The following ARHGEF11 variants were observed in gnomAD, a reference collection of about 807,000 sequenced individuals.
ARHGEF11 encodes the protein Rho guanine exchange factor (GEF) 11.
A neutral mutation model predicts 193.7 loss-of-function variants in ARHGEF11; 55 were observed. The ratio of observed to expected loss-of-function variants is 0.28; its 90% CI spans 0.23 to 0.36. ARHGEF11 has a LOEUF of 0.36. ARHGEF11 is among the 10% of genes least tolerant of loss of function. The pLI is 1.00. For synonymous variants in ARHGEF11, 693 were observed against 768.0 expected, an observed-to-expected ratio of 0.90 and a Z score of 1.62; for missense variants, 1,723 against 2,005.6, an observed-to-expected ratio of 0.86 and a Z score of 2.69.
rs1169114393 is a variant in ARHGEF11, at chr1:156,963,293, T to C, written c.1050A>G (p.Ile350Met). 1.2e-6 allele frequency: 2 copies of C among 1,614,058 alleles called. No individual in the cohort carries two copies. Among genetic ancestry groups the C allele is most frequent in the East Asian group, 4.5e-5 (2 of 44,888 alleles). Residue 350 changes from isoleucine to methionine, a missense_variant, in exon 13 of 41, where the codon ATA becomes ATG. Physicochemically the swap from Ile to Met is conservative, Grantham distance 10. Transcript: ENST00000368194. Reference protein sequence around the residue: ...PGYFNNESDIIFQDLEKLKSR... With the variant: ...PGYFNNESDIMFQDLEKLKSR... ...ACTTCAGTTTCTCCAGATCCTGGAATATGATGTCGCTCTGGAAGGCAGAAG... is the reference window on the plus strand; with the variant it reads ...ACTTCAGTTTCTCCAGATCCTGGAACATGATGTCGCTCTGGAAGGCAGAAG...
chr1:156,971,160 AATAG>A (rs1272960857), intron 8 of ARHGEF11, among the ~76,000 whole-genome samples: 1 of 152,246 alleles, frequency 6.6e-6, no homozygotes, highest in Non-Finnish European at 1.5e-5. Context: ...CCCTGAAGAG[AATAG>A]ATAAAGAATC....
At chr1:157,041,729 G>A (rs1006475516) in intron 1 of ARHGEF11, among the ~76,000 whole-genome samples, 1 of 152,162 alleles carries the variant, frequency 6.6e-6, no homozygotes, top group Non-Finnish European at 1.5e-5. Context: ...AAGACACTAA[G>A]CTAGGCACAC....
chr1:156,948,331 C>A lies in ARHGEF11; in HGVS notation c.2093G>T (p.Ser698Ile). The change falls in exon 23 of 41, where the codon AGC (serine) becomes ATC (isoleucine). Residue 698 changes from serine to isoleucine, a missense_variant. This residue lies in a region of ARHGEF11 where 491 missense variants were observed against 654.5 expected (regional missense o/e 0.75). Transcript: ENST00000368194. This position sits in a 1 kb window ranked among gnomAD's most constrained non-coding sequence, Gnocchi z 4.2. ...LHQSASSSTSSLSTRSLENPT... is the reference protein window; with the variant it reads ...LHQSASSSTSILSTRSLENPT... ...TAGCCCTGCCCACCTGGTGGAGAGG[C>A]TGGAGGTAGAGGACGAGGCTGACTG... 6.2e-7 allele frequency: 1 copy of A among 1,614,086 alleles called. No homozygotes were observed. The highest frequency in any genetic ancestry group is 8.5e-7 in the Non-Finnish European group (1 of 1,179,946).
intron 3 of ARHGEF11, 75 bp from the exon 4 acceptor site, chr1:156,980,561 C>T: frequency 6.8e-7 from 1 of 1,479,484 alleles, no homozygotes; most frequent in Non-Finnish European, 9.2e-7. Context: ...CCTGTCAGAT[C>T]ACCTCTCCTC....
At chr1:156,960,603 C>A in intron 14 of ARHGEF11, 143 bp from the exon 15 acceptor site, 1 of 690,510 alleles carries the variant, frequency 1.4e-6, no homozygotes, top group Non-Finnish European at 2.5e-6. Flanking sequence ...CATCACTCTC[C>A]AACTGCACAC....
chr1:156,981,533 G>A (rs1477713449), intron 3 of ARHGEF11, among the ~76,000 whole-genome samples: 2 of 152,354 alleles, frequency 1.3e-5, no homozygotes, highest in East Asian at 3.9e-4. Context: ...CTGGAGTGCA[G>A]CGGTGCGATT....
intron 8 of ARHGEF11, among the ~76,000 whole-genome samples, chr1:156,971,244 G>C (rs1384743781): frequency 6.6e-5 from 10 of 152,168 alleles, no homozygotes; most frequent in Admixed American, 5.2e-4. Context: ...CAGACTGGGG[G>C]TCTTTTATGT....
chr1:156,997,988 C>A (rs1666759659), intron 1 of ARHGEF11, among the ~76,000 whole-genome samples: 1 of 152,134 alleles, frequency 6.6e-6, no homozygotes, highest in Non-Finnish European at 1.5e-5. Context: ...GTGGTGAGAC[C>A]TCCTTGCCCT....
At chr1:156,985,998 C>T (rs1664863863) in intron 2 of ARHGEF11, 84 bp downstream of exon 2, 2 of 1,145,012 alleles carry the variant, frequency 1.7e-6, no homozygotes, top group African/African-American at 1.5e-5. Flanking sequence ...AGCGATCCTC[C>T]CATTGGCCTC....
chr1:156,941,878 G>A lies in ARHGEF11; in HGVS notation c.3438C>T (p.Gly1146=). 2 of 1,611,070 alleles carry A rather than the reference G, an allele frequency of 1.2e-6. No individual in the cohort carries two copies. The highest frequency in any genetic ancestry group is 1.7e-6 in the Non-Finnish European group (2 of 1,178,572). ...AAGCACTGCACCTGCTGGGTGTGGG[G>A]CCCTGCTGGGCTGGCTCCCGGGGAC... ...PPGPREPAQQ[G]PTPSRVELDD... The change falls in exon 34 of 41, where the codon GGC becomes GGT. Residue 1146 remains glycine (G), a synonymous_variant. Coordinates refer to ENST00000368194, the MANE Select transcript of ARHGEF11 (RefSeq NM_198236.3).
chr1:156,981,213 T>A lies in ARHGEF11; in HGVS notation c.224-727A>T, dbSNP rs199646526. ...TGCCTGGCTAATTAAAAAAAAAAAATTTTTTTTTTTGTAGAGATGAGGTCT... is the reference window on the plus strand; with the variant it reads ...TGCCTGGCTAATTAAAAAAAAAAAAATTTTTTTTTTGTAGAGATGAGGTCT... On this transcript the variant is annotated intron_variant, in intron 3 of 40. Coordinates refer to ENST00000368194, the MANE Select transcript of ARHGEF11 (RefSeq NM_198236.3). Among the ~76,000 whole-genome samples the A allele has an allele frequency of 1.7e-3, 163 of 96,412 alleles. 1 individual carries two copies. The East Asian group carries it at 0.017, about 10-fold the overall frequency. The allele number at this position is 96,412 out of a possible 152,430, so 63.3% of individuals were successfully genotyped here.
At chr1:157,046,133 G>A (rs1176859141), upstream of ARHGEF11, among the ~76,000 whole-genome samples, 87 of 142,822 alleles carry the variant, frequency 6.1e-4, no homozygotes, top group African/African-American at 2.3e-3. Flanking sequence ...CCTGCCCCTC[G>A]GCGCGGCCTA....
chr1:156,963,338 CG>C, intron 12 of ARHGEF11, 34 bp from the exon 13 acceptor site: 1 of 1,589,600 alleles, frequency 6.3e-7, no homozygotes, highest in Non-Finnish European at 8.6e-7. Flanking sequence ...GGTGGGAAGC[CG>C]GGCACAGCAG....
In ARHGEF11 at chr1:156,948,395, C is replaced by T. The variant is rs1658541695; in HGVS notation, c.2029G>A (p.Val677Ile). 1 of 1,614,140 alleles carries T rather than the reference C, an allele frequency of 6.2e-7. No individual in the cohort carries two copies. The highest frequency in any genetic ancestry group is 8.5e-7 in the Non-Finnish European group (1 of 1,180,060). ...GCCTCCGCAGCAGCATCCATGTCAA[C>T]ATCACTGCGAGAGCGGGGCACGTTC... is the stretch of plus-strand genomic sequence containing the variant. ...AENVPRSRSD[V>I]DMDAAAEATR... Residue 677 changes from valine (V) to isoleucine (I), a missense_variant, in exon 23 of 41, where the codon GTT becomes ATT. Val to Ile is a conservative substitution (Grantham distance 29, BLOSUM62 3). Transcript: ENST00000368194. The surrounding 1 kb of genome is among the most constrained non-coding windows in gnomAD (Gnocchi z 4.2).
intron 1 of ARHGEF11, among the ~76,000 whole-genome samples, chr1:157,020,570 A>G (rs185698539): frequency 6.6e-6 from 1 of 152,366 alleles, no homozygotes; most frequent in East Asian, 1.9e-4. Context: ...GTTTGTACAT[A>G]CATATGATTA....
At chr1:156,966,522 T>G (rs933045852) in intron 11 of ARHGEF11, among the ~76,000 whole-genome samples, 4 of 152,238 alleles carry the variant, frequency 2.6e-5, no homozygotes, top group Non-Finnish European at 4.4e-5. Context: ...ACCCACAGTT[T>G]GAAAATACCA....
rs1654888825 is a variant in ARHGEF11, at chr1:156,935,494, A to G, written c.*506T>C. The G allele has an allele frequency of 6.5e-6, 1 of 152,806 alleles. No homozygotes were observed. The highest frequency in any genetic ancestry group is 1.5e-5 in the Non-Finnish European group (1 of 68,416). 9.5% of individuals were successfully genotyped at this position (152,806 alleles called of 1,614,324 possible). ...TTCAGGAACAGGAACAAAAAAGGTC[A>G]AAGTTATTTACAATAGCAAAGATGC... On this transcript the variant is annotated 3_prime_UTR_variant, in exon 41 of 41. Transcript: ENST00000368194.
At position 156,948,296 on chromosome 1, in the gene ARHGEF11, G is replaced by A; in HGVS notation, c.2105+23C>T. 1 of 1,612,442 alleles carries A rather than the reference G, an allele frequency of 6.2e-7. No individual in the cohort carries two copies. Among genetic ancestry groups the A allele is most frequent in the Non-Finnish European group, 8.5e-7 (1 of 1,178,614 alleles). ...CGCCACCCCTGAGATGTCCATGGGT[G>A]CAGCCGTTGTAGCCCTGCCCACCTG... On this transcript the variant is annotated intron_variant, in intron 23 of 40. Transcript: ENST00000368194. This position sits in a 1 kb window ranked among gnomAD's most constrained non-coding sequence, Gnocchi z 4.2.
rs1451551154 is a variant in ARHGEF11, at chr1:157,035,868, G to T, written c.32+8431C>A. Among the ~76,000 whole-genome samples, 1,034 of 132,744 alleles carry T rather than the reference G, an allele frequency of 7.8e-3. 93 individuals carry two copies. Among genetic ancestry groups the T allele is most frequent in the South Asian group, 0.022 (88 of 3,948 alleles). The allele number at this position is 132,744 out of a possible 152,430, so 87.1% of individuals were successfully genotyped here. On this transcript the variant is annotated intron_variant, in intron 1 of 40. Transcript: ENST00000368194. ...ATGTATATATTTAGGAATATATATA[G>T]GAATATATATAGGAATATATATAGG... is the stretch of plus-strand genomic sequence containing the variant.
Sources: allele counts gnomAD v4.1 joint callset (sites outside exome capture counted in the v4.1 genomes callset), GRCh38; gene constraint gnomAD v4.1.1; regional missense constraint gnomAD v4.1.1; non-coding constraint Gnocchi (gnomAD v3.1); transcripts MANE v1.5; gene names NCBI Gene and HGNC (gene_info 2026-07-23, HGNC 2026-07-21).